The following POC1B variants were observed in gnomAD, a reference collection of about 807,000 sequenced individuals.
POC1B encodes POC1 centriolar protein B, also known as POC1 centriolar protein homolog B.
In POC1B, 44 loss-of-function variants were observed where a neutral mutation model predicts 60.6. The ratio of observed to expected loss-of-function variants is 0.73; its 90% CI spans 0.57 to 0.93. POC1B has a LOEUF of 0.93. Ranked by LOEUF, POC1B falls within the 40% of genes least tolerant of loss-of-function variation. The probability of loss-of-function intolerance (pLI) is 0.00; values close to 1 mark genes in which losing one functional copy is unlikely to be tolerated. For synonymous variants in POC1B, 180 were observed against 198.9 expected (o/e 0.90, Z 0.80); for missense variants, 555 against 572.3 (o/e 0.97, Z 0.31).
At chr12:89,438,950 C>T (rs1881395152) in intron 10 of POC1B, among the ~76,000 whole-genome samples, 1 of 152,192 alleles carries the variant, frequency 6.6e-6, no homozygotes, top group Non-Finnish European at 1.5e-5. Flanking sequence ...AATTTGTCCC[C>T]TTAGGAAATA....
chr12:89,522,068 G>A (rs569096701), intron 2 of POC1B: 10 of 398,804 alleles, frequency 2.5e-5, no homozygotes, highest in Non-Finnish European at 4.0e-5. Context: ...ACACAAACAC[G>A]TTCACAGAGA....
At chr12:89,421,451 G>A (rs1952631710) in intron 11 of POC1B, among the ~76,000 whole-genome samples, 194 bp from the exon 12 acceptor site, 1 of 152,046 alleles carries the variant, frequency 6.6e-6, no homozygotes, top group South Asian at 2.1e-4. Context: ...CAAGCAGTTG[G>A]AGAAAAGAAA....
intron 10 of POC1B, among the ~76,000 whole-genome samples, chr12:89,442,884 C>T (rs1482099972): frequency 1.3e-5 from 2 of 151,954 alleles, no homozygotes; most frequent in African/African-American, 4.8e-5. Flanking sequence ...ACACAATAGG[C>T]TCAAAATAAA....
chr12:89,484,660 G>A (rs1469395957), intron 4 of POC1B, among the ~76,000 whole-genome samples: 5 of 152,232 alleles, frequency 3.3e-5, no homozygotes, highest in African/African-American at 1.2e-4. Context: ...AGAATGTGAT[G>A]TGCCCAAGTA....
At chr12:89,404,111 A>G in the POC1B span, among the ~76,000 whole-genome samples, 2 of 151,878 alleles carry the variant, frequency 1.3e-5, no homozygotes, top group South Asian at 4.2e-4. Flanking sequence ...CAACCTGGAC[A>G]ACAAGAATGA....
chr12:89,472,449 C>G, intron 4 of POC1B, 174 bp from the exon 5 acceptor site: 2 of 535,278 alleles, frequency 3.7e-6, no homozygotes, highest in Non-Finnish European at 6.5e-6. Flanking sequence ...ACAAACAACA[C>G]TGACAGACCA....
intron 10 of POC1B, among the ~76,000 whole-genome samples, chr12:89,448,691 G>A (rs190002638): frequency 6.6e-6 from 1 of 152,290 alleles, no homozygotes; most frequent in East Asian, 1.9e-4. Flanking sequence ...CACACAATTA[G>A]GCTTGAACAA....
downstream of POC1B, chr12:89,419,569 C>T (rs1452436823): frequency 1.3e-5 from 2 of 152,116 alleles, no homozygotes; most frequent in Admixed American, 6.6e-5. Flanking sequence ...CCCCACCTGA[C>T]CCATGGAGTC....
Position 89,466,830 on chromosome 12 carries a change from A to G in POC1B, c.972T>C (p.His324=). The change falls in exon 9 of 12, where the codon CAT becomes CAC. Residue 324 remains histidine (H), a synonymous_variant. Transcript: ENST00000313546. ...LKRLHFDSPP[H]LLDIYPRTPH... ...GTGTTCTTGGGTAGATATCAAGAAG[A>G]TGTGGTGGTGAATCAAAATGTAATC... The G allele has an allele frequency of 6.2e-7, 1 of 1,613,250 alleles. No homozygotes were observed. Among genetic ancestry groups the G allele is most frequent in the Non-Finnish European group, 8.5e-7 (1 of 1,179,434 alleles).
chr12:89,509,258 C>T (rs1870055478), intron 2 of POC1B, among the ~76,000 whole-genome samples: 1 of 152,190 alleles, frequency 6.6e-6, no homozygotes, highest in Non-Finnish European at 1.5e-5. Flanking sequence ...TAATCCATAA[C>T]TATCATTTAT....
the POC1B span, among the ~76,000 whole-genome samples, chr12:89,414,126 C>A: frequency 6.6e-6 from 1 of 152,134 alleles, no homozygotes; most frequent in Non-Finnish European, 1.5e-5. Context: ...CTCCTGACCT[C>A]AAGTGATCCG....
At chr12:89,405,497 G>C in the POC1B span, among the ~76,000 whole-genome samples, 1 of 152,128 alleles carries the variant, frequency 6.6e-6, no homozygotes, top group Non-Finnish European at 1.5e-5. Context: ...ACAAAAATTA[G>C]CCGGGCATGG....
the POC1B span, among the ~76,000 whole-genome samples, chr12:89,401,877 T>C: frequency 3.3e-5 from 5 of 152,368 alleles, no homozygotes; most frequent in South Asian, 1.0e-3. Flanking sequence ...AGGTTAATGT[T>C]GGAGCATTAG....
the POC1B span, among the ~76,000 whole-genome samples, chr12:89,402,913 T>G: frequency 1.3e-5 from 2 of 151,988 alleles, no homozygotes; most frequent in African/African-American, 2.4e-5. Flanking sequence ...CTAAAAATGT[T>G]TCACCATGTT....
intron 10 of POC1B, among the ~76,000 whole-genome samples, chr12:89,458,644 A>C (rs1882352768): frequency 6.6e-6 from 1 of 152,208 alleles, no homozygotes; most frequent in Non-Finnish European, 1.5e-5. Flanking sequence ...TCCTCTGTAG[A>C]ATTCCTCTAC....
chr12:89,446,949 T>C (rs1690981576), intron 10 of POC1B, among the ~76,000 whole-genome samples: 1 of 152,066 alleles, frequency 6.6e-6, no homozygotes, highest in Non-Finnish European at 1.5e-5. Context: ...ACAAAACATA[T>C]TCACAAACAT....
chr12:89,460,009 G>T, intron 9 of POC1B: 1 of 413,326 alleles, frequency 2.4e-6, no homozygotes, highest in Non-Finnish European at 4.7e-6. Context: ...AAAATAAAAT[G>T]ACCCACCTCA....
At chr12:89,456,006 T>TGTTG (rs367937136) in intron 10 of POC1B, among the ~76,000 whole-genome samples, 1 of 148,206 alleles carries the variant, frequency 6.7e-6, no homozygotes, top group Non-Finnish European at 1.5e-5. Flanking sequence ...AAAACTCTTT[T>TGTTG]TTGTTGTTGT....
chr12:89,492,076 T>G lies in POC1B; in HGVS notation c.312A>C (p.Pro104=). 1 of 1,594,502 alleles carries G rather than the reference T, an allele frequency of 6.3e-7. No individual in the cohort carries two copies. The highest frequency in any genetic ancestry group is 1.8e-5 in the Admixed American group (1 of 54,094). The part of the protein sequence containing the change: ...KFSEFKAHTA[P]VRSVDFSADG... ...CAGCTGAAAAGTCTACACTTCGAACTGGAGCTGTATGAGCTTTAAATTCTG... is the reference window on the plus strand; with the variant it reads ...CAGCTGAAAAGTCTACACTTCGAACGGGAGCTGTATGAGCTTTAAATTCTG... The change falls in exon 4 of 12, where the codon CCA becomes CCC. Residue 104 remains proline (P), a synonymous_variant. Coordinates refer to ENST00000313546, the MANE Select transcript of POC1B (RefSeq NM_172240.3).
Sources: gnomAD v4.1 joint callset for allele counts (sites outside exome capture counted in the v4.1 genomes callset) on GRCh38, gnomAD v4.1.1 for gene constraint, MANE v1.5 for transcripts, NCBI Gene and HGNC (gene_info 2026-07-23, HGNC 2026-07-21) for gene names.